Variants in FRMD3 observed in about 807,000 individuals in gnomAD.
The protein encoded by FRMD3 is FERM domain-containing protein 3.
FRMD3 carries 33 observed loss-of-function variants against 70.2 expected under a neutral mutation model. That is an observed-to-expected ratio of 0.47 (90% CI 0.36 to 0.63). The LOEUF is 0.63. Among genes scored for constraint, FRMD3 ranks in the 20% least tolerant of loss-of-function variants. FRMD3 has a pLI of 0.00. For missense variants in FRMD3, 632 were observed against 711.4 expected, an observed-to-expected ratio of 0.89 and a Z score of 1.27; for synonymous variants, 279 against 255.9, an observed-to-expected ratio of 1.09 and a Z score of -0.86.
chr9:83,349,627 G>A (rs1188541467), intron 4 of FRMD3, 52 bp downstream of exon 4: 1 of 1,325,448 alleles, frequency 7.5e-7, no homozygotes, highest in East Asian at 2.4e-5. Flanking sequence ...AGACCAAAGA[G>A]ATTCTGGCTG....
intron 6 of FRMD3, among the ~76,000 whole-genome samples, chr9:83,320,739 G>T (rs992818169): frequency 6.6e-6 from 1 of 152,034 alleles, no homozygotes; most frequent in African/African-American, 2.4e-5. Flanking sequence ...ACAGTTTCAG[G>T]AAGATTGGTA....
At chr9:83,275,525 A>T (rs1275072751) in intron 13 of FRMD3, among the ~76,000 whole-genome samples, 1 of 152,162 alleles carries the variant, frequency 6.6e-6, no homozygotes, top group Non-Finnish European at 1.5e-5. Context: ...GGACAAAATA[A>T]TCTGAAGGGA....
intron 1 of FRMD3, among the ~76,000 whole-genome samples, chr9:83,488,992 G>GC: frequency 9.0e-6 from 1 of 111,550 alleles, no homozygotes; most frequent in African/African-American, 3.6e-5. Flanking sequence ...GTGTGTGTGT[G>GC]TGTGTGTGTG....
intron 1 of FRMD3, among the ~76,000 whole-genome samples, chr9:83,495,817 T>A (rs1359262575): frequency 2.6e-5 from 4 of 152,248 alleles, no homozygotes; most frequent in Non-Finnish European, 5.9e-5. Context: ...GATGGATGCA[T>A]GCAGCTCAAG....
the FRMD3 span, among the ~76,000 whole-genome samples, chr9:83,550,711 T>TGTGTGC: frequency 5.9e-5 from 9 of 151,570 alleles, no homozygotes; most frequent in Non-Finnish European, 1.0e-4. Flanking sequence ...TGTGTGTGTG[T>TGTGTGC]GTGTGTGTGT....
At chr9:83,307,862 G>C (rs1347442491) in intron 10 of FRMD3, among the ~76,000 whole-genome samples, 1 of 151,928 alleles carries the variant, frequency 6.6e-6, no homozygotes, top group Non-Finnish European at 1.5e-5. Context: ...AAATCACTAA[G>C]GCTCCAACTA....
chr9:83,538,789 C>G (rs111783107), upstream of FRMD3, among the ~76,000 whole-genome samples: 1 of 152,282 alleles, frequency 6.6e-6, no homozygotes, highest in African/African-American at 2.4e-5. This position sits in a 1 kb window ranked among gnomAD's most constrained non-coding sequence, Gnocchi z 4.7. Context: ...CTGCTCTGCT[C>G]AGCTCCAGGG....
intron 1 of FRMD3, among the ~76,000 whole-genome samples, chr9:83,498,998 G>A (rs1396934768): frequency 2.0e-5 from 3 of 152,068 alleles, no homozygotes; most frequent in African/African-American, 7.2e-5. Flanking sequence ...TACCTCTAAC[G>A]TGGCAATATC....
At chr9:83,452,532 A>G (rs1409092349) in intron 1 of FRMD3, among the ~76,000 whole-genome samples, 5 of 151,824 alleles carry the variant, frequency 3.3e-5, no homozygotes, top group Non-Finnish European at 7.4e-5. Flanking sequence ...CCCAGGCTGG[A>G]GTGCAGTGGT....
chr9:83,397,965 T>G (rs1031522990), intron 1 of FRMD3, among the ~76,000 whole-genome samples: 1 of 152,200 alleles, frequency 6.6e-6, no homozygotes, highest in Non-Finnish European at 1.5e-5. Context: ...AGGGCCTTGA[T>G]TCATTTACCT....
chr9:83,289,244 C>T (rs1200643114), intron 13 of FRMD3, among the ~76,000 whole-genome samples: 1 of 152,120 alleles, frequency 6.6e-6, no homozygotes, highest in Non-Finnish European at 1.5e-5. Flanking sequence ...CAACATGGAC[C>T]CAGAGGCCCT....
At chr9:83,531,264 A>T (rs1829786106) in intron 1 of FRMD3, among the ~76,000 whole-genome samples, 1 of 152,174 alleles carries the variant, frequency 6.6e-6, no homozygotes, top group South Asian at 2.1e-4. Flanking sequence ...AATGTCCTTA[A>T]TGTTAAAGCC....
intron 10 of FRMD3, among the ~76,000 whole-genome samples, chr9:83,304,314 A>C (rs772170770): frequency 4.9e-4 from 74 of 152,336 alleles, no homozygotes; most frequent in Non-Finnish European, 7.9e-4. Context: ...GGTGATGTTA[A>C]TGTAGTCAGG....
chr9:83,397,892 G>T (rs1241086524), intron 1 of FRMD3, among the ~76,000 whole-genome samples: 1 of 152,144 alleles, frequency 6.6e-6, no homozygotes, highest in African/African-American at 2.4e-5. Context: ...GCAACTAAAT[G>T]CTCAGTTTGC....
At chr9:83,299,777 G>A (rs1366019685) in intron 10 of FRMD3, among the ~76,000 whole-genome samples, 3 of 152,220 alleles carry the variant, frequency 2.0e-5, no homozygotes, top group African/African-American at 4.8e-5. Context: ...ACCCACAGTG[G>A]TAGATGACTA....
chr9:83,320,433 C>T (rs1293843050), intron 6 of FRMD3, among the ~76,000 whole-genome samples: 3 of 152,072 alleles, frequency 2.0e-5, no homozygotes, highest in Non-Finnish European at 4.4e-5. Context: ...GTCCTTAATT[C>T]TGTATGTGAT....
chr9:83,267,952 T>C (rs1229703050), intron 13 of FRMD3, among the ~76,000 whole-genome samples: 1 of 152,214 alleles, frequency 6.6e-6, no homozygotes, highest in Admixed American at 6.5e-5. Context: ...ACAATGCTAA[T>C]CTTTTCTTCA....
At chr9:83,363,819 A>G (rs11140054) in intron 3 of FRMD3, among the ~76,000 whole-genome samples, 39,700 of 152,036 alleles carry the variant, frequency 0.26, 6,432 homozygotes, top group Non-Finnish European at 0.35. Context: ...CTCCCAAAGT[A>G]CTGGGATTAC....
At chr9:83,375,831 C>T (rs952343279) in intron 2 of FRMD3, among the ~76,000 whole-genome samples, 6 of 152,046 alleles carry the variant, frequency 3.9e-5, no homozygotes, top group African/African-American at 1.4e-4. Flanking sequence ...AAAAGTTTAC[C>T]TATATAACAA....
Sources: gnomAD v4.1 joint callset for allele counts (sites outside exome capture counted in the v4.1 genomes callset) on GRCh38, gnomAD v4.1.1 for gene constraint, Gnocchi (gnomAD v3.1) non-coding constraint, MANE v1.5 for transcripts, NCBI Gene and HGNC (gene_info 2026-07-23, HGNC 2026-07-21) for gene names.